FBXW11: variants seen among roughly 807,000 people sequenced by gnomAD.
The protein encoded by FBXW11 is F-box and WD repeat domain containing 11.
Under a neutral mutation model 77.6 loss-of-function variants are expected in FBXW11, and 19 were observed. That is an observed-to-expected ratio of 0.24 (90% CI 0.17 to 0.36). The LOEUF (loss-of-function observed/expected upper bound fraction) is 0.36, where lower values mean the gene tolerates loss of function less well. Among genes scored for constraint, FBXW11 ranks in the 10% least tolerant of loss-of-function variants. FBXW11 has a pLI of 1.00. For synonymous variants in FBXW11, 235 were observed against 249.4 expected, an observed-to-expected ratio of 0.94 and a Z score of 0.54; for missense variants, 334 against 704.2, an observed-to-expected ratio of 0.47 and a Z score of 5.95.
chr5:171,955,387 T>C (rs1763554775), intron 2 of FBXW11, among the ~76,000 whole-genome samples: 1 of 152,170 alleles, frequency 6.6e-6, no homozygotes, highest in African/African-American at 2.4e-5. Flanking sequence ...TTCTCAGGCC[T>C]GCTCTAATAT....
chr5:172,005,249 C>T (rs1451046051), intron 1 of FBXW11, among the ~76,000 whole-genome samples: 5 of 152,206 alleles, frequency 3.3e-5, no homozygotes, highest in Non-Finnish European at 7.4e-5. Flanking sequence ...TAAGTAGATT[C>T]TTCCACCTCT....
At chr5:171,910,833 A>T in intron 3 of FBXW11, 36 bp from the exon 4 acceptor site, 1 of 1,374,172 alleles carries the variant, frequency 7.3e-7, no homozygotes, top group Non-Finnish European at 9.9e-7. Flanking sequence ...TTAGTTTAAC[A>T]AGGAAAGAAA....
At chr5:171,894,757 A>T (rs1313773965) in intron 6 of FBXW11, among the ~76,000 whole-genome samples, 2 of 151,180 alleles carry the variant, frequency 1.3e-5, no homozygotes. Context: ...TGTGGTAGAA[A>T]ATACCTAGGT....
At chr5:171,933,130 C>CA (rs774171489) in intron 2 of FBXW11, among the ~76,000 whole-genome samples, 1,456 of 36,074 alleles carry the variant, frequency 0.04, 52 homozygotes, top group African/African-American at 0.092. Context: ...GACCTTCTCT[C>CA]AAAAAAAAAA....
intron 7 of FBXW11, among the ~76,000 whole-genome samples, chr5:171,879,478 T>C (rs951900027): frequency 6.6e-6 from 1 of 152,228 alleles, no homozygotes; most frequent in Non-Finnish European, 1.5e-5. Flanking sequence ...TACTAAGTGG[T>C]ATATATGGTA....
At chr5:171,911,079 A>G (rs192840251) in intron 3 of FBXW11, among the ~76,000 whole-genome samples, 20 of 152,314 alleles carry the variant, frequency 1.3e-4, no homozygotes, top group African/African-American at 4.8e-4. Flanking sequence ...CTCCAAAGGT[A>G]TATACTGGGT....
At chr5:171,999,578 C>CATG (rs147552825) in intron 1 of FBXW11, among the ~76,000 whole-genome samples, 272 of 152,142 alleles carry the variant, frequency 1.8e-3, no homozygotes, top group African/African-American at 5.4e-3. Context: ...CTCTTTGAAT[C>CATG]TATCATGTAG....
At position 171,873,008 on chromosome 5, in the gene FBXW11, A is replaced by G; in HGVS notation, c.1222-18T>C. 6.3e-7 allele frequency: 1 copy of G among 1,591,834 alleles called. No homozygotes were observed. Among genetic ancestry groups the G allele is most frequent in the Non-Finnish European group, 8.6e-7 (1 of 1,161,400 alleles). On this transcript the variant is annotated intron_variant, in intron 9 of 13. Coordinates refer to ENST00000517395, the MANE Select transcript of FBXW11 (RefSeq NM_001378974.1). ...CTCCAGACCTGTATAACAAATTAAC[A>G]GTATTTTAAAGAATGAACACAGGAA...
At chr5:171,889,527 CAAAAAA>C (rs34406226) in intron 7 of FBXW11, among the ~76,000 whole-genome samples, 5 of 109,230 alleles carry the variant, frequency 4.6e-5, no homozygotes, top group African/African-American at 1.1e-4. Flanking sequence ...GACTCCATCT[CAAAAAA>C]AAAAAAAAAA....
chr5:171,922,830 T>G (rs1208311165), intron 2 of FBXW11, among the ~76,000 whole-genome samples: 1 of 152,224 alleles, frequency 6.6e-6, no homozygotes, highest in Non-Finnish European at 1.5e-5. Context: ...CGACAAGAAA[T>G]GATACCAAAA....
At chr5:171,961,782 G>C (rs1763926846) in intron 1 of FBXW11, among the ~76,000 whole-genome samples, 1 of 152,138 alleles carries the variant, frequency 6.6e-6, no homozygotes, top group South Asian at 2.1e-4. Context: ...GAGTAACTGG[G>C]ATTACAGGCA....
chr5:172,005,825 C>A (rs1319055857), intron 1 of FBXW11, among the ~76,000 whole-genome samples: 1 of 152,132 alleles, frequency 6.6e-6, no homozygotes, highest in African/African-American at 2.4e-5. Context: ...TCCCTCTCCG[C>A]CGGGTAGGAA....
rs1262700514 is a variant in FBXW11, at chr5:171,868,867, G to C, written c.1531-71C>G. On this transcript the variant is annotated intron_variant, in intron 12 of 13. Transcript: ENST00000517395. ...CCTGATATCTCACAATGAGAAACTGGGCAGAAGATGAAAATGCAGCCACTT... is the reference window on the plus strand; with the variant it reads ...CCTGATATCTCACAATGAGAAACTGCGCAGAAGATGAAAATGCAGCCACTT... The C allele has an allele frequency of 2.5e-5, 36 of 1,433,480 alleles. 1 individual carries two copies. The Middle Eastern group carries it at 9.1e-4, about 36-fold the overall frequency. 88.8% of individuals were successfully genotyped at this position (1,433,480 alleles called of 1,614,324 possible).
intron 2 of FBXW11, among the ~76,000 whole-genome samples, chr5:171,949,479 A>G (rs1763193296): frequency 6.6e-6 from 1 of 152,228 alleles, no homozygotes; most frequent in Admixed American, 6.5e-5. Context: ...AGAAAGGAAC[A>G]AGTATAGCCA....
chr5:171,921,753 T>G (rs1761608163), intron 2 of FBXW11, among the ~76,000 whole-genome samples: 1 of 152,142 alleles, frequency 6.6e-6, no homozygotes, highest in Non-Finnish European at 1.5e-5. Context: ...AGAGTGCTTT[T>G]TAAGAGTCAG....
intron 2 of FBXW11, among the ~76,000 whole-genome samples, chr5:171,940,714 C>A (rs867650819): frequency 2.0e-5 from 3 of 151,972 alleles, no homozygotes; most frequent in African/African-American, 7.3e-5. Flanking sequence ...ACAGTGAAAC[C>A]CCGTCTGTAC....
At chr5:171,899,127 T>C (rs1561662808) in intron 5 of FBXW11, 33 bp from the exon 6 acceptor site, 1 of 1,476,248 alleles carries the variant, frequency 6.8e-7, no homozygotes, top group African/African-American at 1.4e-5. Context: ...TGTTACATTT[T>C]TGCACATAAA....
chr5:171,997,400 T>C (rs1409014847), intron 1 of FBXW11, among the ~76,000 whole-genome samples: 1 of 152,234 alleles, frequency 6.6e-6, no homozygotes, highest in Non-Finnish European at 1.5e-5. Flanking sequence ...TTATCCATTT[T>C]CTAAGACAGC....
chr5:171,957,715 A>T lies in FBXW11; in HGVS notation c.46-17T>A. 6.2e-7 allele frequency: 1 copy of T among 1,609,136 alleles called. No individual in the cohort carries two copies. Among genetic ancestry groups the T allele is most frequent in the Non-Finnish European group, 8.5e-7 (1 of 1,175,552 alleles). ...CACAGAACACTGCAGGATGACAAAA[A>T]GGAAGGAAGAGAAGAAGCAGTTAGA... is the stretch of plus-strand genomic sequence containing the variant. On this transcript the variant is annotated splice_polypyrimidine_tract_variant and intron_variant, in intron 1 of 13. Coordinates refer to ENST00000517395, the MANE Select transcript of FBXW11 (RefSeq NM_001378974.1).
Sources: allele counts gnomAD v4.1 joint callset (sites outside exome capture counted in the v4.1 genomes callset), GRCh38; gene constraint gnomAD v4.1.1; transcripts MANE v1.5; gene names NCBI Gene and HGNC (gene_info 2026-07-23, HGNC 2026-07-21).